FMN1: variants seen among roughly 807,000 people sequenced by gnomAD.
FMN1 encodes the protein formin 1, also known as formin-1.
FMN1 carries 110 observed loss-of-function variants against 132.4 expected under a neutral mutation model. The ratio of observed to expected loss-of-function variants is 0.83; its 90% confidence interval spans 0.71 to 0.97. The LOEUF (loss-of-function observed/expected upper bound fraction) is 0.97, where lower values mean the gene tolerates loss of function less well. Among genes scored for constraint, FMN1 ranks in the 50% least tolerant of loss-of-function variants. The pLI is 0.00. For synonymous variants in FMN1, 722 were observed against 651.7 expected, an observed-to-expected ratio of 1.11 and a Z score of -1.64; for missense variants, 1,792 against 1,705.3, an observed-to-expected ratio of 1.05 and a Z score of -0.90.
At chr15:33,021,965 T>C (rs777890701) in intron 6 of FMN1, among the ~76,000 whole-genome samples, 17 of 152,258 alleles carry the variant, frequency 1.1e-4, no homozygotes, top group Non-Finnish European at 2.2e-4. Flanking sequence ...CAACTACAAT[T>C]GAAAGTAACC....
intron 2 of FMN1, among the ~76,000 whole-genome samples, chr15:33,185,992 A>C (rs1287420435): frequency 6.6e-6 from 1 of 152,132 alleles, no homozygotes; most frequent in Non-Finnish European, 1.5e-5. Flanking sequence ...AAATGATGGA[A>C]TCTTAGATTT....
chr15:32,782,961 G>GGACAT (rs2056713360), intron 19 of FMN1, among the ~76,000 whole-genome samples: 1 of 151,034 alleles, frequency 6.6e-6, no homozygotes, highest in African/African-American at 2.4e-5. Flanking sequence ...GGTTACACAT[G>GGACAT]GACATATAGA....
chr15:32,964,492 G>A (rs774222001), intron 8 of FMN1, among the ~76,000 whole-genome samples: 11 of 152,152 alleles, frequency 7.2e-5, no homozygotes, highest in South Asian at 2.1e-4. Context: ...CATTAGCTAC[G>A]ATCAAAGATA....
chr15:32,936,445 T>C (rs183052112), intron 9 of FMN1, among the ~76,000 whole-genome samples: 3 of 152,238 alleles, frequency 2.0e-5, no homozygotes, highest in African/African-American at 4.8e-5. Context: ...CGTATGTGAA[T>C]TCCCAATTAG....
chr15:32,823,152 GTTTTT>G (rs373185751), intron 17 of FMN1, among the ~76,000 whole-genome samples: 5 of 86,230 alleles, frequency 5.8e-5, no homozygotes, highest in African/African-American at 1.6e-4. Context: ...AGTTTCTACT[GTTTTT>G]TTTTTTTTTT....
At position 32,969,403 on chromosome 15, in the gene FMN1, A is replaced by C; in HGVS notation, c.2298T>G (p.Ile766Met). 2 of 1,613,880 alleles carry C rather than the reference A, an allele frequency of 1.2e-6. No homozygotes were observed. The highest frequency in any genetic ancestry group is 1.6e-4 in the Middle Eastern group (1 of 6,062). ...AMITARLEET[I>M]ENLKHELEHR... Reference sequence around the variant, plus strand: ...GTTCTAGCTCGTGTTTCAGATTTTCAATGGTTTCTTCTAGTCTCGCTGTTA... The same window carrying C: ...GTTCTAGCTCGTGTTTCAGATTTTCCATGGTTTCTTCTAGTCTCGCTGTTA... Residue 766 changes from isoleucine to methionine, a missense_variant, in exon 8 of 21, where the codon ATT becomes ATG. Physicochemically the swap from Ile to Met is conservative, Grantham distance 10. This residue lies in a region of FMN1 where 1,150 missense variants were observed against 1,043.1 expected (regional missense o/e 1.10). Coordinates refer to ENST00000616417, the MANE Select transcript of FMN1 (RefSeq NM_001277313.2).
chr15:32,847,851 T>C (rs2058896241), intron 17 of FMN1, among the ~76,000 whole-genome samples: 1 of 151,886 alleles, frequency 6.6e-6, no homozygotes, highest in South Asian at 2.1e-4. Context: ...CGAGACTCCA[T>C]CTCAAAAAAA....
At chr15:32,879,873 T>C (rs371762215) in intron 16 of FMN1, among the ~76,000 whole-genome samples, 1 of 152,166 alleles carries the variant, frequency 6.6e-6, no homozygotes, top group South Asian at 2.1e-4. Context: ...TTTATGTATT[T>C]GTCAAAGTTA....
At chr15:32,837,547 T>C (rs560825386) in intron 17 of FMN1, among the ~76,000 whole-genome samples, 2 of 152,168 alleles carry the variant, frequency 1.3e-5, no homozygotes, top group East Asian at 3.9e-4. Flanking sequence ...CCCTCTTGTG[T>C]TTAGAGATTG....
intron 4 of FMN1, among the ~76,000 whole-genome samples, chr15:33,147,823 T>C (rs955795813): frequency 1.3e-4 from 20 of 152,220 alleles, no homozygotes; most frequent in African/African-American, 4.6e-4. Context: ...TTATTTGAGA[T>C]CATTGGAAAA....
In FMN1 at chr15:33,154,829, A is replaced by G. The variant is rs1349690015; in HGVS notation, c.86T>C (p.Val29Ala). 1 of 1,536,064 alleles carries G rather than the reference A, an allele frequency of 6.5e-7. No homozygotes were observed. Among genetic ancestry groups the G allele is most frequent in the Non-Finnish European group, 8.7e-7 (1 of 1,146,858 alleles). The part of the protein sequence containing the change: ...YISFCLPKGE[V>A]RGFSYKGTVT... ...AGTGCCCTTGTATGAAAATCCTCTG[A>G]CTTCCCCCTTTGGAAGACAGAAGCT... Residue 29 changes from valine to alanine, a missense_variant, in exon 4 of 21, where the codon GTC (valine) becomes GCC (alanine). Around this residue, in one of 3 missense-constraint regions of FMN1, gnomAD observed 638 missense variants for 645.2 expected, o/e 0.99. Transcript: ENST00000616417.
chr15:32,937,482 T>G (rs1010980571), intron 9 of FMN1, among the ~76,000 whole-genome samples: 3 of 152,318 alleles, frequency 2.0e-5, no homozygotes, highest in Middle Eastern at 3.4e-3. Context: ...AACTGGCCCG[T>G]GTATTATTAA....
chr15:33,154,182 C>T lies in FMN1; in HGVS notation c.733G>A (p.Asp245Asn). The change falls in exon 4 of 21, where the codon GAC becomes AAC. Residue 245 changes from aspartate (D) to asparagine (N), a missense_variant. By Grantham distance (23) the Asp-to-Asn change is conservative (BLOSUM62 1). Coordinates refer to ENST00000616417, the MANE Select transcript of FMN1 (RefSeq NM_001277313.2). ...AAGCTCCCAAAGCCAAGGTCTGTGTCTGGCGTCTTGGGAATATCTGGGGGG... is the reference window on the plus strand; with the variant it reads ...AAGCTCCCAAAGCCAAGGTCTGTGTTTGGCGTCTTGGGAATATCTGGGGGG... ...SCPPDIPKTP[D>N]TDLGFGSFET... The T allele has an allele frequency of 6.5e-7, 1 of 1,536,442 alleles. No homozygotes were observed. The highest frequency in any genetic ancestry group is 1.2e-5 in the South Asian group (1 of 84,064).
chr15:32,899,060 T>C (rs2060229444), intron 14 of FMN1, among the ~76,000 whole-genome samples, 167 bp from the exon 15 acceptor site: 1 of 152,228 alleles, frequency 6.6e-6, no homozygotes, highest in African/African-American at 2.4e-5. Flanking sequence ...CCATTTATTA[T>C]GCTGGCTACA....
chr15:32,862,064 A>C (rs1170384673), intron 16 of FMN1, among the ~76,000 whole-genome samples: 1 of 152,168 alleles, frequency 6.6e-6, no homozygotes, highest in African/African-American at 2.4e-5. Context: ...CGCGCCCCGG[A>C]GGCCAGGCAG....
chr15:32,871,498 A>C (rs902083915), intron 16 of FMN1, among the ~76,000 whole-genome samples: 1 of 152,284 alleles, frequency 6.6e-6, no homozygotes, highest in African/African-American at 2.4e-5. Context: ...AGCTCACTTA[A>C]TTCTCCTGTA....
At chr15:32,936,601 AAC>A (rs749631476) in intron 9 of FMN1, among the ~76,000 whole-genome samples, 9 of 151,994 alleles carry the variant, frequency 5.9e-5, no homozygotes, top group Non-Finnish European at 1.0e-4. Flanking sequence ...AAGTCCCATG[AAC>A]ACACAGAGTC....
At chr15:33,020,622 G>C (rs2035366393) in intron 6 of FMN1, among the ~76,000 whole-genome samples, 1 of 137,412 alleles carries the variant, frequency 7.3e-6, no homozygotes. Context: ...TGGGAGACAA[G>C]AGCGAAACTC....
At chr15:33,034,779 G>A (rs919495809) in intron 6 of FMN1, among the ~76,000 whole-genome samples, 2 of 151,942 alleles carry the variant, frequency 1.3e-5, no homozygotes, top group African/African-American at 4.8e-5. Flanking sequence ...CCTTGTAATT[G>A]CTTTCCTGGG....
Sources: gnomAD v4.1 joint callset for allele counts (sites outside exome capture counted in the v4.1 genomes callset) on GRCh38, gnomAD v4.1.1 for gene constraint, gnomAD v4.1.1 regional missense constraint, MANE v1.5 for transcripts, NCBI Gene and HGNC (gene_info 2026-07-23, HGNC 2026-07-21) for gene names.